Variants in CDH13 observed in about 807,000 individuals in gnomAD.
CDH13 encodes cadherin 13.
In CDH13, 24 loss-of-function variants were observed where a neutral mutation model predicts 63.8. The observed-to-expected ratio is 0.38, with a 90% confidence interval of 0.27 to 0.53. CDH13 has a LOEUF of 0.53. Ranked by LOEUF, CDH13 falls within the 20% of genes least tolerant of loss-of-function variation. The pLI, the probability that CDH13 is intolerant of heterozygous loss-of-function variation, is 0.85. For missense variants in CDH13, 1,049 were observed against 903.1 expected, an observed-to-expected ratio of 1.16 and a Z score of -2.07; for synonymous variants, 503 against 355.3, an observed-to-expected ratio of 1.42 and a Z score of -4.67.
At chr16:83,030,912 A>G (rs1475131346) in intron 2 of CDH13, among the ~76,000 whole-genome samples, 2 of 151,808 alleles carry the variant, frequency 1.3e-5, no homozygotes, top group African/African-American at 4.8e-5. Flanking sequence ...GTTTGCCTCT[A>G]TTCACCTAAA....
chr16:82,627,393 C>A (rs1907449461), intron 1 of CDH13, among the ~76,000 whole-genome samples: 1 of 132,530 alleles, frequency 7.5e-6, no homozygotes, highest in Non-Finnish European at 1.7e-5. Flanking sequence ...CGTTCGTTAA[C>A]GGGAGGAGGA....
intron 4 of CDH13, among the ~76,000 whole-genome samples, chr16:83,168,462 C>G (rs553742765): frequency 5.3e-5 from 8 of 151,976 alleles, no homozygotes; most frequent in Non-Finnish European, 1.0e-4. Context: ...AGCCCAAATG[C>G]TAATAGTAGC....
At chr16:83,060,354 G>A (rs1473217997) in intron 3 of CDH13, among the ~76,000 whole-genome samples, 1 of 152,146 alleles carries the variant, frequency 6.6e-6, no homozygotes, top group Non-Finnish European at 1.5e-5. Context: ...TAAAAATCCA[G>A]CATTTTTGTA....
intron 2 of CDH13, among the ~76,000 whole-genome samples, chr16:83,006,568 C>T (rs907278866): frequency 3.3e-5 from 5 of 152,076 alleles, no homozygotes; most frequent in Middle Eastern, 3.2e-3. Flanking sequence ...GCCATTTGCT[C>T]CTTGTCCACA....
At chr16:82,988,234 A>G (rs1911198759) in intron 2 of CDH13, among the ~76,000 whole-genome samples, 1 of 152,204 alleles carries the variant, frequency 6.6e-6, no homozygotes, top group African/African-American at 2.4e-5. Flanking sequence ...GAGCACGCAC[A>G]CACGTGTTCT....
chr16:83,349,944 G>C (rs1221636405), intron 6 of CDH13, among the ~76,000 whole-genome samples: 1 of 152,126 alleles, frequency 6.6e-6, no homozygotes, highest in African/African-American at 2.4e-5. Context: ...GGTAACTGCA[G>C]CTTTATCCTT....
rs544929169 is a variant in CDH13 at position 83,365,857 on chromosome 16, C to A, written c.781+20851C>A. 2.0e-4 allele frequency among the ~76,000 whole-genome samples: 30 copies of A among 152,210 alleles called. 1 individual carries two copies. The highest frequency in any genetic ancestry group is 6.7e-4 in the African/African-American group (28 of 41,522). On this transcript the variant is annotated intron_variant, in intron 6 of 13. Coordinates refer to ENST00000567109, the MANE Select transcript of CDH13 (RefSeq NM_001257.5). ...TGCATGGGAAGTGTGAGAAATAAAT[C>A]CATTCTGCCAGCACCCCAAATGATG...
At chr16:83,019,866 A>C (rs374114537) in intron 2 of CDH13, among the ~76,000 whole-genome samples, 2 of 151,522 alleles carry the variant, frequency 1.3e-5, no homozygotes, top group South Asian at 2.1e-4. Flanking sequence ...AATAAAAACG[A>C]TAGTATATTA....
At chr16:82,947,204 A>T (rs1262834640) in intron 2 of CDH13, among the ~76,000 whole-genome samples, 1 of 152,078 alleles carries the variant, frequency 6.6e-6, no homozygotes, top group East Asian at 1.9e-4. Context: ...GGTTATTCCT[A>T]CTACCTGCTT....
chr16:83,676,725 A>G (rs1428596397), intron 9 of CDH13, among the ~76,000 whole-genome samples: 1 of 152,202 alleles, frequency 6.6e-6, no homozygotes, highest in Non-Finnish European at 1.5e-5. Flanking sequence ...AAGTCCAGTT[A>G]CAACCAGGAA....
chr16:82,697,445 T>C (rs1291847867), intron 1 of CDH13, among the ~76,000 whole-genome samples: 3 of 134,874 alleles, frequency 2.2e-5, no homozygotes, highest in Non-Finnish European at 4.6e-5. Context: ...TTTTTTTTTT[T>C]TTGAGACAGA....
chr16:83,308,433 A>G (rs765490022), intron 5 of CDH13, among the ~76,000 whole-genome samples: 13 of 152,240 alleles, frequency 8.5e-5, no homozygotes, highest in Admixed American at 1.3e-4. Context: ...GGATTCTAAT[A>G]TTCTCAGAAG....
intron 3 of CDH13, among the ~76,000 whole-genome samples, chr16:83,043,882 T>G (rs1917551604): frequency 6.6e-6 from 1 of 152,146 alleles, no homozygotes; most frequent in Non-Finnish European, 1.5e-5. Flanking sequence ...CCTTTTTACA[T>G]TCTTCTTTTC....
At chr16:83,329,133 G>A (rs183118046) in intron 5 of CDH13, among the ~76,000 whole-genome samples, 13 of 152,298 alleles carry the variant, frequency 8.5e-5, no homozygotes, top group Admixed American at 2.6e-4. Context: ...CACAGATTCC[G>A]GAGAACCTAC....
intron 2 of CDH13, among the ~76,000 whole-genome samples, chr16:82,910,602 G>T (rs919224377): frequency 6.6e-6 from 1 of 152,132 alleles, no homozygotes; most frequent in African/African-American, 2.4e-5. Flanking sequence ...GCTAATCCTT[G>T]TTGGAAAATT....
At position 83,154,358 on chromosome 16, in the gene CDH13, C is replaced by A. The variant is rs2037117869; in HGVS notation, c.483+28857C>A. ...GTTCACAAGGTCAGGAGATCCAGAC[C>A]ATCCAGGCCAACATGGTGAAACCCT... On this transcript the variant is annotated intron_variant, in intron 4 of 13. Transcript: ENST00000567109. Among the ~76,000 whole-genome samples, 3 of 151,892 alleles carry A rather than the reference C, an allele frequency of 2.0e-5. No individual in the cohort carries two copies. The South Asian group carries it at 6.2e-4, about 32-fold the overall frequency.
chr16:83,035,611 C>T (rs977382320), intron 3 of CDH13, among the ~76,000 whole-genome samples: 1 of 152,102 alleles, frequency 6.6e-6, no homozygotes, highest in African/African-American at 2.4e-5. Context: ...CCTGGGCAGC[C>T]TGGCCCCTGA....
intron 5 of CDH13, among the ~76,000 whole-genome samples, chr16:83,306,287 G>C (rs1196615750): frequency 6.6e-6 from 1 of 152,192 alleles, no homozygotes; most frequent in African/African-American, 2.4e-5. Flanking sequence ...GGCTTATGTA[G>C]AAATTGGATC....
At chr16:82,987,069 C>T (rs1237395735) in intron 2 of CDH13, among the ~76,000 whole-genome samples, 2 of 152,156 alleles carry the variant, frequency 1.3e-5, no homozygotes, top group Non-Finnish European at 2.9e-5. Flanking sequence ...AATGGCTACT[C>T]AGGAAATGTT....
Sources: gnomAD v4.1 joint callset for allele counts (sites outside exome capture counted in the v4.1 genomes callset) on GRCh38, gnomAD v4.1.1 for gene constraint, MANE v1.5 for transcripts, NCBI Gene and HGNC (gene_info 2026-07-23, HGNC 2026-07-21) for gene names.